Variants in BORCS7 observed in about 807,000 individuals in gnomAD.
BORCS7 encodes BLOC-1 related complex subunit 7, also known as BLOC-1-related complex subunit 7.
A neutral mutation model predicts 17.5 loss-of-function variants in BORCS7; 20 were observed. That is an observed-to-expected ratio of 1.14 (90% CI 0.80 to 1.66). The LOEUF (loss-of-function observed/expected upper bound fraction) is 1.66, where lower values mean the gene tolerates loss of function less well. Among genes scored for constraint, BORCS7 ranks in the 40% most tolerant of loss-of-function variants. BORCS7 has a pLI of 0.00. For synonymous variants in BORCS7, 57 were observed against 49.8 expected (o/e 1.14, Z -0.61); for missense variants, 122 against 129.7 (o/e 0.94, Z 0.29).
intron 3 of BORCS7, among the ~76,000 whole-genome samples, chr10:102,861,689 A>T (rs1681640005): frequency 6.6e-6 from 1 of 151,866 alleles, no homozygotes; most frequent in African/African-American, 2.4e-5. Context: ...ACTCCACTGC[A>T]TCCTGGCGAC....
Position 102,860,481 on chromosome 10 carries a change from CT to C in BORCS7, c.205-16del. On this transcript the variant is annotated splice_polypyrimidine_tract_variant and intron_variant, in intron 2 of 4. Transcript: ENST00000339834. ...GGAAGTGGAAATGTTCTATTTCTCT[CT>C]CTCTTTTTTATGCAGAGTTTAAGGA... 6.2e-7 allele frequency: 1 copy of C among 1,612,140 alleles called. No individual in the cohort carries two copies. The highest frequency in any genetic ancestry group is 1.1e-5 in the South Asian group (1 of 91,026).
chr10:102,861,251 CTAAAGA>C (rs1384409447), intron 3 of BORCS7, among the ~76,000 whole-genome samples: 1 of 151,726 alleles, frequency 6.6e-6, no homozygotes, highest in African/African-American at 2.4e-5. Context: ...CCCGTCTCTA[CTAAAGA>C]TACAAAAAAG....
At position 102,864,931 on chromosome 10, in the gene BORCS7, C is replaced by G. The variant is rs1276181919; in HGVS notation, c.*2007C>G. 6.6e-6 allele frequency: 1 copy of G among 150,646 alleles called. No individual in the cohort carries two copies. Among genetic ancestry groups the G allele is most frequent in the Non-Finnish European group, 1.5e-5 (1 of 67,742 alleles). The allele number at this position is 150,646 out of a possible 1,614,324, so 9.3% of individuals were successfully genotyped here. ...TTTGTGTGATAATACCAAAGCAGTA[C>G]TATAAGAAAATAAGCATGCTTTAAA... On this transcript the variant is annotated 3_prime_UTR_variant, in exon 5 of 5. Coordinates refer to ENST00000339834, the MANE Select transcript of BORCS7 (RefSeq NM_001136200.2).
intron 3 of BORCS7, among the ~76,000 whole-genome samples, chr10:102,861,951 A>G (rs1179982742): frequency 6.6e-6 from 1 of 152,152 alleles, no homozygotes; most frequent in East Asian, 1.9e-4. Context: ...GGAGAATGTT[A>G]CTATCTGTTT....
At chr10:102,858,972 G>C (rs747774624) in intron 1 of BORCS7, among the ~76,000 whole-genome samples, 3 of 151,738 alleles carry the variant, frequency 2.0e-5, no homozygotes, top group Non-Finnish European at 4.4e-5. Context: ...TGCAGTATTA[G>C]GCCAGAAATC....
Position 102,854,279 on chromosome 10 carries a change from T to G in BORCS7, c.-8T>G. 1 of 1,605,554 alleles carries G rather than the reference T, an allele frequency of 6.2e-7. No individual in the cohort carries two copies. Among genetic ancestry groups the G allele is most frequent in the South Asian group, 1.1e-5 (1 of 89,218 alleles). ...CCATCGTCAGTGCGCAACCGTTCGC[T>G]AACTGAAATGATGGCGACTGGAACG... On this transcript the variant is annotated 5_prime_UTR_variant, in exon 1 of 5. Coordinates refer to ENST00000339834, the MANE Select transcript of BORCS7 (RefSeq NM_001136200.2).
chr10:102,857,026 A>G (rs188624634), intron 1 of BORCS7, among the ~76,000 whole-genome samples: 1 of 152,342 alleles, frequency 6.6e-6, no homozygotes, highest in East Asian at 1.9e-4. Flanking sequence ...TTTCTAAAAC[A>G]GAAAAATGGA....
At position 102,854,303 on chromosome 10, in the gene BORCS7, C is replaced by A. The variant is rs566816775; in HGVS notation, c.17C>A (p.Thr6Lys). Residue 6 changes from threonine (T) to lysine (K), a missense_variant, in exon 1 of 5, where the codon ACG becomes AAG. Coordinates refer to ENST00000339834, the MANE Select transcript of BORCS7 (RefSeq NM_001136200.2). ...CTAACTGAAATGATGGCGACTGGAA[C>A]GCCAGAGTCTCAAGCGCGGTTCGGT... Reference protein sequence around the residue: MMATGTPESQARFGQS... With the variant: MMATGKPESQARFGQS... The A allele has an allele frequency of 1.2e-6, 2 of 1,605,550 alleles. No homozygotes were observed. Among genetic ancestry groups the A allele is most frequent in the African/African-American group, 1.3e-5 (1 of 74,944 alleles).
intron 4 of BORCS7, 65 bp from the exon 5 acceptor site, chr10:102,862,804 AATAG>A: frequency 6.9e-7 from 1 of 1,448,944 alleles, no homozygotes; most frequent in Non-Finnish European, 9.7e-7. Flanking sequence ...AAAATTTGTA[AATAG>A]TTGTACAAAG....
At chr10:102,854,595 C>T (rs1379582114) in intron 1 of BORCS7, 168 bp downstream of exon 1, 1 of 787,036 alleles carries the variant, frequency 1.3e-6, no homozygotes, top group Non-Finnish European at 1.9e-6. Flanking sequence ...TGTGCAGTCT[C>T]TTTGGTTAGG....
Position 102,864,842 on chromosome 10 carries a change from G to A in BORCS7, c.*1918G>A, listed in dbSNP as rs981431680. ...TACTTCACTAAATAACGTCTAAGTT[G>A]TAGAGGTTGTGCCGGAAGATAATAT... On this transcript the variant is annotated 3_prime_UTR_variant, in exon 5 of 5. Transcript: ENST00000339834. 2 of 152,092 alleles carry A rather than the reference G, an allele frequency of 1.3e-5. No individual in the cohort carries two copies. Among genetic ancestry groups the A allele is most frequent in the Non-Finnish European group, 2.9e-5 (2 of 67,990 alleles). The allele number at this position is 152,092 out of a possible 1,614,324, so 9.4% of individuals were successfully genotyped here.
intron 3 of BORCS7, among the ~76,000 whole-genome samples, chr10:102,860,978 G>A (rs10786715): frequency 1.3e-5 from 2 of 152,028 alleles, no homozygotes; most frequent in African/African-American, 4.8e-5. Flanking sequence ...ACATAGGTAA[G>A]TGTGGCACCT....
chr10:102,857,710 G>T (rs570260896), intron 1 of BORCS7, among the ~76,000 whole-genome samples: 1 of 152,198 alleles, frequency 6.6e-6, no homozygotes, highest in Admixed American at 6.5e-5. Flanking sequence ...CTCCAAATCC[G>T]TCAGCAGAGA....
intron 3 of BORCS7, among the ~76,000 whole-genome samples, chr10:102,861,590 A>G (rs1419497710): frequency 6.6e-6 from 1 of 151,644 alleles, no homozygotes; most frequent in Non-Finnish European, 1.5e-5. Context: ...GGTGGCACAC[A>G]CCTGTAATCC....
rs961423868 is a variant in BORCS7 at position 102,864,238 on chromosome 10, A to G, written c.*1314A>G. 3.3e-5 allele frequency: 5 copies of G among 152,344 alleles called. No homozygotes were observed. Among genetic ancestry groups the G allele is most frequent in the South Asian group, 2.1e-4 (1 of 4,830 alleles). The allele number at this position is 152,344 out of a possible 1,614,324, so 9.4% of individuals were successfully genotyped here. On this transcript the variant is annotated 3_prime_UTR_variant, in exon 5 of 5. Coordinates refer to ENST00000339834, the MANE Select transcript of BORCS7 (RefSeq NM_001136200.2). ...ATATAGTTCATATTGTTATTGTCCAATCATCAAGTTAACTAAGCATTATCA... is the reference window on the plus strand; with the variant it reads ...ATATAGTTCATATTGTTATTGTCCAGTCATCAAGTTAACTAAGCATTATCA...
chr10:102,863,329 C>G lies in BORCS7; in HGVS notation c.*405C>G, dbSNP rs1448536884. On this transcript the variant is annotated 3_prime_UTR_variant, in exon 5 of 5. Transcript: ENST00000339834. The stretch of plus-strand genomic sequence containing the variant: ...CAGCCTGGGCGACAGAGTGAGATTC[C>G]ATCTCCAAAAAAAAAAAAAGAAAAA... 1 of 144,670 alleles carries G rather than the reference C, an allele frequency of 6.9e-6. No individual in the cohort carries two copies. The highest frequency in any genetic ancestry group is 2.0e-4 in the East Asian group (1 of 5,046). 9.0% of individuals were successfully genotyped at this position (144,670 alleles called of 1,614,324 possible).
chr10:102,860,841 T>C (rs996256402), intron 3 of BORCS7: 4 of 489,206 alleles, frequency 8.2e-6, no homozygotes, highest in African/African-American at 5.8e-5. Context: ...ATGCTAGCAC[T>C]GTACTTGGCA....
intron 1 of BORCS7, among the ~76,000 whole-genome samples, chr10:102,855,450 C>T (rs1482597073): frequency 6.6e-6 from 1 of 152,184 alleles, no homozygotes; most frequent in Non-Finnish European, 1.5e-5. Flanking sequence ...GCCACCGCTC[C>T]TGGCAGCATT....
At chr10:102,856,927 C>T (rs1171165194) in intron 1 of BORCS7, among the ~76,000 whole-genome samples, 1 of 152,110 alleles carries the variant, frequency 6.6e-6, no homozygotes, top group African/African-American at 2.4e-5. Flanking sequence ...GTGTTTCAGG[C>T]CATCCTCATT....
Sources: allele counts gnomAD v4.1 joint callset (sites outside exome capture counted in the v4.1 genomes callset), GRCh38; gene constraint gnomAD v4.1.1; transcripts MANE v1.5; gene names NCBI Gene and HGNC (gene_info 2026-07-23, HGNC 2026-07-21).